Variants in COL11A1 observed in about 807,000 individuals in gnomAD.
COL11A1 encodes collagen type XI alpha 1 chain, also known as collagen alpha-1(XI) chain.
Under a neutral mutation model 265.2 loss-of-function variants are expected in COL11A1, and 74 were observed. The observed-to-expected ratio is 0.28, with a 90% confidence interval of 0.23 to 0.34. The LOEUF is 0.34. COL11A1 is among the 10% of genes least tolerant of loss of function. The probability of loss-of-function intolerance (pLI) is 1.00; values close to 1 mark genes in which losing one functional copy is unlikely to be tolerated. For missense variants in COL11A1, 2,165 were observed against 2,263.6 expected, an observed-to-expected ratio of 0.96 and a Z score of 0.88; for synonymous variants, 816 against 727.6, an observed-to-expected ratio of 1.12 and a Z score of -1.96.
chr1:103,066,513 C>G (rs1443638538), intron 4 of COL11A1, among the ~76,000 whole-genome samples: 1 of 114,338 alleles, frequency 8.7e-6, no homozygotes, highest in Non-Finnish European at 1.8e-5. Context: ...ATAAGTAAAA[C>G]AAAATGGAAT....
intron 54 of COL11A1, among the ~76,000 whole-genome samples, chr1:102,905,990 A>G (rs1653936043): frequency 2.0e-5 from 3 of 152,238 alleles, no homozygotes; most frequent in South Asian, 4.1e-4. Context: ...AGGATATTGG[A>G]AGAAAATATT....
chr1:103,020,935 T>TTCCATTGA (rs1428308509), intron 9 of COL11A1, among the ~76,000 whole-genome samples: 1 of 140,686 alleles, frequency 7.1e-6, no homozygotes, highest in Non-Finnish European at 1.6e-5. Context: ...CTCTGTTCTG[T>TTCCATTGA]CAATGGAACA....
intron 62 of COL11A1, 64 bp downstream of exon 62, chr1:102,888,513 A>G (rs1390103732): frequency 2.0e-6 from 3 of 1,471,518 alleles, no homozygotes; most frequent in Admixed American, 1.7e-5. Context: ...ATAAGTTCAG[A>G]GAAATCATTG....
At position 102,921,582 on chromosome 1, in the gene COL11A1, G is replaced by A. The variant is rs1236620889; in HGVS notation, c.3655-11C>T. ...AGGACCAGGTGGCCCCTGTAAGAGA[G>A]AAATATTGAGGTTTACAAAGACCAA... On this transcript the variant is annotated splice_polypyrimidine_tract_variant and intron_variant, in intron 47 of 66. Coordinates refer to ENST00000370096, the MANE Select transcript of COL11A1 (RefSeq NM_001854.4). The A allele has an allele frequency of 3.7e-6, 6 of 1,609,760 alleles. No homozygotes were observed. The highest frequency in any genetic ancestry group is 4.2e-6 in the Non-Finnish European group (5 of 1,177,554).
intron 37 of COL11A1, among the ~76,000 whole-genome samples, chr1:102,967,409 T>C (rs560131858): frequency 5.9e-5 from 9 of 151,764 alleles, no homozygotes; most frequent in African/African-American, 2.2e-4. Flanking sequence ...CCCGGCTAAT[T>C]TTTTGTAGTT....
At chr1:102,942,489 A>G (rs753569556) in intron 42 of COL11A1, among the ~76,000 whole-genome samples, 20 of 152,106 alleles carry the variant, frequency 1.3e-4, no homozygotes, top group African/African-American at 2.4e-4. Flanking sequence ...TTGGCCCACA[A>G]TCTGCACAAC....
chr1:103,002,874 G>A (rs1443054839), intron 21 of COL11A1, 83 bp from the exon 22 acceptor site: 1 of 1,237,058 alleles, frequency 8.1e-7, no homozygotes, highest in East Asian at 2.3e-5. Flanking sequence ...CTAATATCAT[G>A]ATATTCACTA....
intron 44 of COL11A1, among the ~76,000 whole-genome samples, chr1:102,937,322 CTT>C (rs1041879701): frequency 9.2e-5 from 14 of 152,190 alleles, no homozygotes; most frequent in Admixed American, 9.2e-4. Context: ...GTAAATAAAA[CTT>C]TTAAAAATGT....
At chr1:103,049,913 T>C (rs111995081) in intron 4 of COL11A1, among the ~76,000 whole-genome samples, 3,323 of 152,346 alleles carry the variant, frequency 0.022, 47 homozygotes, top group Middle Eastern at 0.051. Flanking sequence ...TCTTTAAGAA[T>C]GTTGAATATT....
At chr1:103,086,566 G>A (rs747171830) in intron 1 of COL11A1, among the ~76,000 whole-genome samples, 5 of 152,066 alleles carry the variant, frequency 3.3e-5, no homozygotes, top group African/African-American at 4.8e-5. Flanking sequence ...CCAGGCGCCC[G>A]CCACCACGCC....
intron 42 of COL11A1, among the ~76,000 whole-genome samples, chr1:102,942,501 A>G (rs1403145537): frequency 6.6e-6 from 1 of 152,154 alleles, no homozygotes; most frequent in East Asian, 1.9e-4. Context: ...CTGCACAACT[A>G]CTGGAAACAT....
intron 35 of COL11A1, among the ~76,000 whole-genome samples, chr1:102,978,367 G>A (rs1662704120): frequency 1.3e-5 from 2 of 152,144 alleles, no homozygotes; most frequent in South Asian, 4.1e-4. Context: ...AACAAAATGA[G>A]TATCAATATG....
At chr1:102,886,724 T>A in intron 63 of COL11A1, 83 bp downstream of exon 63, 1 of 1,554,870 alleles carries the variant, frequency 6.4e-7, no homozygotes, top group East Asian at 2.2e-5. Context: ...TATTAAACAT[T>A]TAACTAGAAT....
intron 4 of COL11A1, among the ~76,000 whole-genome samples, chr1:103,036,970 C>T (rs1055482006): frequency 2.6e-4 from 39 of 152,044 alleles, no homozygotes; most frequent in African/African-American, 9.4e-4. Flanking sequence ...TAGAAACTGT[C>T]TACACAGATG....
rs573307199 is a variant in COL11A1 at position 103,038,640 on chromosome 1, T to C, written c.652-7396A>G. On this transcript the variant is annotated intron_variant, in intron 4 of 66. Transcript: ENST00000370096. ...CATGTGAACTGAAACTCAAAAGATG[T>C]CATTTGAGTGTCATTTGAGGACTCT... Among the ~76,000 whole-genome samples, 3 of 152,244 alleles carry C rather than the reference T, an allele frequency of 2.0e-5. No homozygotes were observed. In the South Asian group the frequency reaches 6.2e-4, roughly 32 times the overall value.
At chr1:103,089,342 G>A (rs898675800) in intron 1 of COL11A1, among the ~76,000 whole-genome samples, 1 of 152,154 alleles carries the variant, frequency 6.6e-6, no homozygotes, top group South Asian at 2.1e-4. Context: ...AGAGGATGAT[G>A]TGACCTCTTT....
chr1:103,064,447 T>A lies in COL11A1; in HGVS notation c.651+10171A>T, dbSNP rs1670916439. ...GGCTCATGCCTGTAATCCCAGCACTTTGGGGGCTGAGGCGGGTGGATCACG... is the reference window on the plus strand; with the variant it reads ...GGCTCATGCCTGTAATCCCAGCACTATGGGGGCTGAGGCGGGTGGATCACG... On this transcript the variant is annotated intron_variant, in intron 4 of 66. Coordinates refer to ENST00000370096, the MANE Select transcript of COL11A1 (RefSeq NM_001854.4). Among the ~76,000 whole-genome samples the A allele has an allele frequency of 2.0e-5, 3 of 151,972 alleles. No homozygotes were observed. The South Asian group carries it at 6.2e-4, about 32-fold the overall frequency.
intron 46 of COL11A1, among the ~76,000 whole-genome samples, chr1:102,923,730 C>T (rs909682337): frequency 1.3e-5 from 2 of 152,010 alleles, no homozygotes; most frequent in African/African-American, 4.8e-5. Flanking sequence ...GTACAGATTT[C>T]TGGAATCTTT....
intron 41 of COL11A1, among the ~76,000 whole-genome samples, chr1:102,948,396 G>T (rs889119446): frequency 6.6e-6 from 1 of 152,004 alleles, no homozygotes; most frequent in African/African-American, 2.4e-5. Flanking sequence ...CTGATTTCTT[G>T]ACAAAGCCAC....
Sources: allele counts gnomAD v4.1 joint callset (sites outside exome capture counted in the v4.1 genomes callset), GRCh38; gene constraint gnomAD v4.1.1; transcripts MANE v1.5; gene names NCBI Gene and HGNC (gene_info 2026-07-23, HGNC 2026-07-21).